FGF2: variants seen among roughly 807,000 people sequenced by gnomAD.
The protein encoded by FGF2 is basic fibroblast growth factor bFGF.
Under a neutral mutation model 15.9 loss-of-function variants are expected in FGF2, and 13 were observed. The observed-to-expected ratio is 0.82, with a 90% confidence interval of 0.53 to 1.30. The LOEUF is 1.30. Among genes scored for constraint, FGF2 ranks in the 50% most tolerant of loss-of-function variants. The pLI, the probability that FGF2 is intolerant of heterozygous loss-of-function variation, is 0.00. For synonymous variants in FGF2, 90 were observed against 78.4 expected (o/e 1.15, Z -0.78); for missense variants, 163 against 196.9 (o/e 0.83, Z 1.03).
At chr4:122,864,781 T>A (rs1726537865) in intron 1 of FGF2, among the ~76,000 whole-genome samples, 1 of 152,206 alleles carries the variant, frequency 6.6e-6, no homozygotes, top group South Asian at 2.1e-4. Context: ...CCTTTTTAAT[T>A]GAGAAATTCT....
rs895189412 is a variant in FGF2, at chr4:122,896,652, G to A, written c.*4256G>A. 2 of 152,182 alleles carry A rather than the reference G, an allele frequency of 1.3e-5. No homozygotes were observed. The highest frequency in any genetic ancestry group is 2.9e-5 in the Non-Finnish European group (2 of 68,032). 9.4% of individuals were successfully genotyped at this position (152,182 alleles called of 1,614,324 possible). A position where few individuals can be genotyped will look rare whatever the true frequency, so the allele number is the denominator to read the frequency against. The stretch of plus-strand genomic sequence containing the variant: ...AAGTACCTGAAACCAAGATTGGCTA[G>A]AGATATATCTTAATGCAATCCATTT... On this transcript the variant is annotated 3_prime_UTR_variant, in exon 3 of 3. Transcript: ENST00000644866.
intron 1 of FGF2, among the ~76,000 whole-genome samples, chr4:122,847,212 A>G (rs1365760925): frequency 6.6e-6 from 1 of 152,192 alleles, no homozygotes; most frequent in African/African-American, 2.4e-5. Flanking sequence ...TATATTCTCC[A>G]TGATGTATTT....
chr4:122,887,817 A>G (rs1451624394), intron 2 of FGF2, among the ~76,000 whole-genome samples: 1 of 152,200 alleles, frequency 6.6e-6, no homozygotes, highest in Non-Finnish European at 1.5e-5. Context: ...TATCACTATC[A>G]TATGTATACA....
chr4:122,877,981 G>T (rs1249859008), intron 2 of FGF2, among the ~76,000 whole-genome samples: 1 of 152,230 alleles, frequency 6.6e-6, no homozygotes, highest in Middle Eastern at 3.4e-3. Flanking sequence ...TTGGGGGGAG[G>T]TAGTTGAATA....
At chr4:122,842,564 C>G (rs533028292) in intron 1 of FGF2, among the ~76,000 whole-genome samples, 9 of 152,274 alleles carry the variant, frequency 5.9e-5, no homozygotes, top group African/African-American at 1.9e-4. Context: ...AAGCTCGTCT[C>G]TGTGTATAAT....
intron 1 of FGF2, among the ~76,000 whole-genome samples, chr4:122,851,642 G>T (rs1726234362): frequency 6.6e-6 from 1 of 152,204 alleles, no homozygotes; most frequent in African/African-American, 2.4e-5. Context: ...ATAGGGGCTA[G>T]AATTGATTTC....
intron 1 of FGF2, among the ~76,000 whole-genome samples, chr4:122,861,180 C>T (rs567759692): frequency 5.3e-5 from 8 of 152,174 alleles, no homozygotes; most frequent in Admixed American, 5.2e-4. Context: ...AGCCACTTTA[C>T]ATCTCCCTGT....
At chr4:122,871,050 T>C (rs1227228802) in intron 1 of FGF2, among the ~76,000 whole-genome samples, 2 of 152,218 alleles carry the variant, frequency 1.3e-5, no homozygotes, top group Admixed American at 6.5e-5. Context: ...TTCAAATAAC[T>C]TCTTCATTTC....
rs1727276432 is a variant in FGF2, at chr4:122,894,115, T to C, written c.*1719T>C. 1 of 152,248 alleles carries C rather than the reference T, an allele frequency of 6.6e-6. No homozygotes were observed. The highest frequency in any genetic ancestry group is 1.5e-5 in the Non-Finnish European group (1 of 68,048). The allele number at this position is 152,248 out of a possible 1,614,324, so 9.4% of individuals were successfully genotyped here. A position where few individuals can be genotyped will look rare whatever the true frequency, so the allele number is the denominator to read the frequency against. ...TAGACTGTCTTACCATAGACTGTCT[T>C]ACCCATCCCCTGGATATGCTCTTGT... On this transcript the variant is annotated 3_prime_UTR_variant, in exon 3 of 3. Coordinates refer to ENST00000644866, the MANE Select transcript of FGF2 (RefSeq NM_001361665.2).
intron 1 of FGF2, among the ~76,000 whole-genome samples, chr4:122,872,944 G>T (rs1387500595): frequency 6.6e-6 from 1 of 152,170 alleles, no homozygotes. Context: ...AAAGACCAAT[G>T]ACACTATGAA....
Position 122,827,430 on chromosome 4 carries a change from C to T in FGF2, c.178+78C>T. The T allele has an allele frequency of 4.0e-6, 6 of 1,514,720 alleles. No individual in the cohort carries two copies. The highest frequency in any genetic ancestry group is 5.5e-6 in the Non-Finnish European group (6 of 1,097,390). The allele number at this position is 1,514,720 out of a possible 1,614,324, so 93.8% of individuals were successfully genotyped here. A position where few individuals can be genotyped will look rare whatever the true frequency, so the allele number is the denominator to read the frequency against. On this transcript the variant is annotated intron_variant, in intron 1 of 2. Coordinates refer to ENST00000644866, the MANE Select transcript of FGF2 (RefSeq NM_001361665.2). This position sits in a 1 kb window ranked among gnomAD's most constrained non-coding sequence, Gnocchi z 4.2. ...CGCTCTCTCCCCTCCAGCCTGCACC[C>T]TCCTCCCGGATCTTCACTGCGACCC...
At chr4:122,879,331 C>T (rs1726917080) in intron 2 of FGF2, among the ~76,000 whole-genome samples, 1 of 152,168 alleles carries the variant, frequency 6.6e-6, no homozygotes, top group African/African-American at 2.4e-5. Context: ...CTGCCCCTTT[C>T]ACTTTAGGAT....
chr4:122,856,964 A>G (rs192696703), intron 1 of FGF2, among the ~76,000 whole-genome samples: 6 of 152,314 alleles, frequency 3.9e-5, no homozygotes, highest in Admixed American at 3.9e-4. Context: ...AGAAAAGACC[A>G]TTTAACACAT....
chr4:122,863,101 A>AT (rs1726505233), intron 1 of FGF2, among the ~76,000 whole-genome samples: 1 of 152,228 alleles, frequency 6.6e-6, no homozygotes, highest in Non-Finnish European at 1.5e-5. Context: ...CTATGTGAAC[A>AT]TTCTTATAAC....
chr4:122,889,597 A>T (rs1046704806), intron 2 of FGF2, among the ~76,000 whole-genome samples: 6 of 152,174 alleles, frequency 3.9e-5, no homozygotes, highest in East Asian at 3.9e-4. Context: ...TCATTTTTTT[A>T]AAAAAATGCA....
chr4:122,854,096 G>A (rs1243500696), intron 1 of FGF2, among the ~76,000 whole-genome samples: 1 of 152,152 alleles, frequency 6.6e-6, no homozygotes, highest in Admixed American at 6.5e-5. Flanking sequence ...ATGGGGAAAA[G>A]CCATTATATA....
chr4:122,843,968 G>A (rs773097354), intron 1 of FGF2, among the ~76,000 whole-genome samples: 15 of 152,106 alleles, frequency 9.9e-5, no homozygotes, highest in Admixed American at 2.0e-4. Context: ...GGGTTGCTGC[G>A]GCAATTTCTT....
At chr4:122,884,949 A>G (rs1248530520) in intron 2 of FGF2, among the ~76,000 whole-genome samples, 3 of 152,184 alleles carry the variant, frequency 2.0e-5, no homozygotes, top group African/African-American at 7.2e-5. Flanking sequence ...AGAGGAGGAA[A>G]GTGATGCCTA....
At chr4:122,860,758 A>G (rs1726446078) in intron 1 of FGF2, among the ~76,000 whole-genome samples, 1 of 152,134 alleles carries the variant, frequency 6.6e-6, no homozygotes, top group African/African-American at 2.4e-5. Context: ...ACCCAGCCTT[A>G]CTTCTTACAT....
Sources: gnomAD v4.1 joint callset for allele counts (sites outside exome capture counted in the v4.1 genomes callset) on GRCh38, gnomAD v4.1.1 for gene constraint, Gnocchi (gnomAD v3.1) non-coding constraint, MANE v1.5 for transcripts, NCBI Gene and HGNC (gene_info 2026-07-23, HGNC 2026-07-21) for gene names.